The following DNAH8 variants were observed in gnomAD, a reference collection of about 807,000 sequenced individuals.
DNAH8 encodes the protein axonemal beta dynein heavy chain 8.
DNAH8 carries 382 observed loss-of-function variants against 562.1 expected under a neutral mutation model. The observed-to-expected ratio is 0.68, with a 90% CI of 0.63 to 0.74. DNAH8 has a LOEUF of 0.74. Ranked by LOEUF, DNAH8 falls within the 30% of genes least tolerant of loss-of-function variation. DNAH8 has a pLI of 0.00. For synonymous variants in DNAH8, 1,881 were observed against 1,919.4 expected, an observed-to-expected ratio of 0.98 and a Z score of 0.52; for missense variants, 5,203 against 5,620.4, an observed-to-expected ratio of 0.93 and a Z score of 2.37.
intron 48 of DNAH8, 74 bp from the exon 49 acceptor site, chr6:38,870,326 CT>C: frequency 7.5e-7 from 1 of 1,338,318 alleles, no homozygotes; most frequent in Non-Finnish European, 1.1e-6. Context: ...GTGATAAGTA[CT>C]ATGCACATCC....
At chr6:38,788,772 T>C (rs1425524641) in intron 18 of DNAH8, among the ~76,000 whole-genome samples, 1 of 152,236 alleles carries the variant, frequency 6.6e-6, no homozygotes, top group Non-Finnish European at 1.5e-5. Flanking sequence ...GCACAAACAT[T>C]TTAAATTTTG....
At chr6:38,812,176 G>T (rs1328970785) in intron 24 of DNAH8, among the ~76,000 whole-genome samples, 1 of 152,054 alleles carries the variant, frequency 6.6e-6, no homozygotes, top group Non-Finnish European at 1.5e-5. Flanking sequence ...TTCCACCAGA[G>T]CCAACCTCCC....
At chr6:38,875,406 G>A (rs1388983143) in intron 52 of DNAH8, among the ~76,000 whole-genome samples, 185 bp from the exon 53 acceptor site, 1 of 152,116 alleles carries the variant, frequency 6.6e-6, no homozygotes, top group Non-Finnish European at 1.5e-5. Flanking sequence ...AGACCATGCT[G>A]CCTGTCTAAA....
intron 9 of DNAH8, among the ~76,000 whole-genome samples, chr6:38,751,628 A>G (rs1303710141): frequency 6.6e-6 from 1 of 152,214 alleles, no homozygotes; most frequent in Non-Finnish European, 1.5e-5. Flanking sequence ...TAATATTTCC[A>G]TAGAGATCCT....
chr6:38,972,713 C>G (rs888459114), intron 83 of DNAH8, among the ~76,000 whole-genome samples: 4 of 152,042 alleles, frequency 2.6e-5, no homozygotes, highest in African/African-American at 4.8e-5. Flanking sequence ...GAAAAGAAAA[C>G]CAGACATGAG....
intron 63 of DNAH8, 26 bp downstream of exon 63, chr6:38,906,433 C>A: frequency 6.7e-7 from 1 of 1,492,010 alleles, no homozygotes; most frequent in Non-Finnish European, 9.0e-7. Flanking sequence ...AGAGAAAAAG[C>A]CCATATTGTA....
At chr6:38,802,696 C>T (rs1770890101) in intron 21 of DNAH8, among the ~76,000 whole-genome samples, 1 of 152,234 alleles carries the variant, frequency 6.6e-6, no homozygotes, top group Admixed American at 6.5e-5. Flanking sequence ...CCCCATTACT[C>T]ATCCCAAGAT....
At chr6:38,840,191 T>C (rs1301301923) in intron 33 of DNAH8, among the ~76,000 whole-genome samples, 2 of 152,246 alleles carry the variant, frequency 1.3e-5, no homozygotes, top group Non-Finnish European at 2.9e-5. Context: ...TCATTAATTC[T>C]GACTTTTCTT....
At chr6:38,782,979 T>C (rs2127642484) in intron 16 of DNAH8, 25 bp from the exon 17 acceptor site, 1 of 1,598,398 alleles carries the variant, frequency 6.3e-7, no homozygotes, top group East Asian at 2.2e-5. Context: ...TCTTTTAAAG[T>C]AAATCTTTTC....
intron 43 of DNAH8, among the ~76,000 whole-genome samples, chr6:38,861,712 T>A (rs1319307908): frequency 6.6e-6 from 1 of 152,130 alleles, no homozygotes; most frequent in East Asian, 1.9e-4. Flanking sequence ...TTGTGTTTTT[T>A]AAATAGAGAC....
intron 45 of DNAH8, 22 bp downstream of exon 45, chr6:38,864,082 G>T: frequency 6.3e-7 from 1 of 1,592,712 alleles, no homozygotes; most frequent in Non-Finnish European, 8.5e-7. Flanking sequence ...GGCTTTAAAT[G>T]CAATTTAATT....
In DNAH8 at chr6:38,842,708, G is replaced by A; in HGVS notation, c.4650G>A (p.Leu1550=). Residue 1550 remains leucine, a synonymous_variant, in exon 35 of 93, where the codon TTG becomes TTA. Transcript: ENST00000327475. ...GACTTAAAGATTGGCAAGCTTTTTT[G>A]GATCTCAAAAAGAGAATTGATGATT... ...PKGLKDWQAF[L]DLKKRIDDFS... The A allele has an allele frequency of 1.2e-6, 2 of 1,613,032 alleles. No individual in the cohort carries two copies. Among genetic ancestry groups the A allele is most frequent in the Non-Finnish European group, 1.7e-6 (2 of 1,179,658 alleles).
chr6:38,737,092 C>A lies in DNAH8; in HGVS notation c.788C>A (p.Ala263Glu), dbSNP rs145115573. Reference protein sequence around the residue: ...QEEALFTVLDASKGLLNGIRD... With the variant: ...QEEALFTVLDESKGLLNGIRD... Reference sequence around the variant, plus strand: ...GAAGCGCTCTTTACTGTTCTGGATGCGTCGAAAGGACTCTTAAATGGAATT... The same window carrying A: ...GAAGCGCTCTTTACTGTTCTGGATGAGTCGAAAGGACTCTTAAATGGAATT... The change falls in exon 6 of 93, where the codon GCG becomes GAG. Residue 263 changes from alanine to glutamate, a missense_variant. Coordinates refer to ENST00000327475, the MANE Select transcript of DNAH8 (RefSeq NM_001206927.2). 2.7e-4 allele frequency: 429 copies of A among 1,563,160 alleles called. No homozygotes were observed. In the East Asian group the frequency reaches 8.4e-3, roughly 31 times the overall value.
At chr6:38,781,878 G>A (rs1056648558) in intron 16 of DNAH8, among the ~76,000 whole-genome samples, 1 of 151,930 alleles carries the variant, frequency 6.6e-6, no homozygotes, top group African/African-American at 2.4e-5. Flanking sequence ...ACAGTCTTGG[G>A]CCCTGTTGGC....
intron 32 of DNAH8, 54 bp downstream of exon 32, chr6:38,834,695 T>C: frequency 7.2e-7 from 1 of 1,395,934 alleles, no homozygotes; most frequent in Non-Finnish European, 1.0e-6. Context: ...AAAAATTATT[T>C]TGGGGAAAGA....
intron 88 of DNAH8, among the ~76,000 whole-genome samples, chr6:38,995,017 G>C (rs1432165356): frequency 6.8e-6 from 1 of 146,638 alleles, no homozygotes; most frequent in Non-Finnish European, 1.5e-5. Context: ...CTAGTCTCCA[G>C]TATGTTTTAT....
chr6:38,987,734 T>C (rs1764495750), intron 87 of DNAH8, among the ~76,000 whole-genome samples: 1 of 152,162 alleles, frequency 6.6e-6, no homozygotes, highest in Admixed American at 6.5e-5. Context: ...CCCACTTCCT[T>C]ATCCTACTGA....
intron 32 of DNAH8, among the ~76,000 whole-genome samples, chr6:38,836,143 A>G (rs1296154709): frequency 6.6e-6 from 1 of 152,194 alleles, no homozygotes; most frequent in East Asian, 1.9e-4. Context: ...GAAGGAGGGC[A>G]TGTAGTAGGA....
At chr6:38,720,511 C>T (rs1235651664) in intron 1 of DNAH8, among the ~76,000 whole-genome samples, 1 of 152,148 alleles carries the variant, frequency 6.6e-6, no homozygotes, top group Non-Finnish European at 1.5e-5. Context: ...GAGGCAAACC[C>T]AGGCTTAAGC....
Sources: gnomAD v4.1 joint callset for allele counts (sites outside exome capture counted in the v4.1 genomes callset) on GRCh38, gnomAD v4.1.1 for gene constraint, MANE v1.5 for transcripts, NCBI Gene and HGNC (gene_info 2026-07-23, HGNC 2026-07-21) for gene names.